Variants in MEGF10 observed in about 807,000 individuals in gnomAD.
MEGF10 encodes multiple EGF like domains 10.
Under a neutral mutation model 147.5 loss-of-function variants are expected in MEGF10, and 86 were observed. The ratio of observed to expected loss-of-function variants is 0.58; its 90% CI spans 0.49 to 0.70. The LOEUF is 0.70. Ranked by LOEUF, MEGF10 falls within the 30% of genes least tolerant of loss-of-function variation. The pLI is 0.00. For missense variants in MEGF10, 1,329 were observed against 1,487.3 expected (o/e 0.89, Z 1.75); for synonymous variants, 478 against 525.5 (o/e 0.91, Z 1.24).
intron 13 of MEGF10, among the ~76,000 whole-genome samples, chr5:127,427,244 C>G (rs1234886395): frequency 6.6e-6 from 1 of 152,108 alleles, no homozygotes; most frequent in African/African-American, 2.4e-5. Context: ...TCATATTACT[C>G]TAGTTATTGA....
At chr5:127,385,908 C>G (rs1388305689) in intron 5 of MEGF10, among the ~76,000 whole-genome samples, 4 of 152,170 alleles carry the variant, frequency 2.6e-5, no homozygotes, top group African/African-American at 4.8e-5. Context: ...AGTTCAAGAC[C>G]AGCCTGGGCA....
Position 127,318,189 on chromosome 5 carries a change from C to T in MEGF10, c.-18-13102C>T, listed in dbSNP as rs558263899. Reference sequence around the variant, plus strand: ...ACCATCTATGAATCAGGAAGCAGCCCCTCCCCAGACACTGAATCTGCCAGC... The same window carrying T: ...ACCATCTATGAATCAGGAAGCAGCCTCTCCCCAGACACTGAATCTGCCAGC... On this transcript the variant is annotated intron_variant, in intron 1 of 24. Transcript: ENST00000503335. 4.6e-5 allele frequency among the ~76,000 whole-genome samples: 7 copies of T among 152,192 alleles called. No homozygotes were observed. In the South Asian group the frequency reaches 8.3e-4, roughly 18 times the overall value.
chr5:127,229,925 A>C, the MEGF10 span: 1 of 152,154 alleles, frequency 6.6e-6, no homozygotes, highest in African/African-American at 2.4e-5. Flanking sequence ...CACTTGGAGA[A>C]TTCTGTTTTT....
intron 5 of MEGF10, among the ~76,000 whole-genome samples, chr5:127,373,945 C>G (rs1399683593): frequency 6.6e-6 from 1 of 152,122 alleles, no homozygotes; most frequent in Non-Finnish European, 1.5e-5. Flanking sequence ...TGGAAATATG[C>G]CCTCTAGGAC....
At chr5:127,237,500 T>TA in the MEGF10 span, among the ~76,000 whole-genome samples, 82 of 151,238 alleles carry the variant, frequency 5.4e-4, no homozygotes, top group Non-Finnish European at 8.1e-4. Flanking sequence ...TCCAAAAAAA[T>TA]AAAAAAAAGT....
At chr5:127,261,068 T>C in the MEGF10 span, among the ~76,000 whole-genome samples, 1 of 152,218 alleles carries the variant, frequency 6.6e-6, no homozygotes, top group African/African-American at 2.4e-5. Flanking sequence ...TTCCTTTTCA[T>C]TTTTTAATAA....
rs1045786489 is a variant in MEGF10, at chr5:127,460,012, G to A, written c.*2694G>A. The A allele has an allele frequency of 2.6e-5, 4 of 152,110 alleles. No homozygotes were observed. Among genetic ancestry groups the A allele is most frequent in the Non-Finnish European group, 4.4e-5 (3 of 68,004 alleles). 9.4% of individuals were successfully genotyped at this position (152,110 alleles called of 1,614,324 possible). ...CTTTAGGAACTTTTCCAGATGTATC[G>A]AATTTAATTTGACATTGATGTCACT... On this transcript the variant is annotated 3_prime_UTR_variant, in exon 25 of 25. Coordinates refer to ENST00000503335, the MANE Select transcript of MEGF10 (RefSeq NM_001256545.2).
At chr5:127,389,374 G>T (rs908140297) in intron 5 of MEGF10, among the ~76,000 whole-genome samples, 1 of 152,154 alleles carries the variant, frequency 6.6e-6, no homozygotes, top group Admixed American at 6.5e-5. Context: ...ATTCCTCAAA[G>T]AGCTGAAAGC....
the MEGF10 span, among the ~76,000 whole-genome samples, chr5:127,247,389 G>C: frequency 2.1e-3 from 63 of 29,648 alleles, 1 homozygote; most frequent in Non-Finnish European, 2.6e-3. Context: ...AGAAGAAGAA[G>C]AAGAAGAAGA....
chr5:127,233,335 G>A, the MEGF10 span, among the ~76,000 whole-genome samples: 2 of 152,162 alleles, frequency 1.3e-5, no homozygotes, highest in Admixed American at 6.5e-5. Flanking sequence ...CAGTAGGGCA[G>A]TCTCCTTCTC....
At chr5:127,446,042 G>A (rs1765932072) in intron 20 of MEGF10, among the ~76,000 whole-genome samples, 1 of 152,132 alleles carries the variant, frequency 6.6e-6, no homozygotes, top group South Asian at 2.1e-4. Flanking sequence ...CAAGGTCATG[G>A]ATCAGATTAG....
chr5:127,298,703 AG>A (rs1561555227), intron 1 of MEGF10, among the ~76,000 whole-genome samples: 1 of 152,096 alleles, frequency 6.6e-6, no homozygotes, highest in African/African-American at 2.4e-5. Flanking sequence ...ACTTGGCCAG[AG>A]GGGGTCACAG....
intron 1 of MEGF10, among the ~76,000 whole-genome samples, chr5:127,309,947 C>CTCTTTCTTTCTTTCTTTCTTTCCT (rs1760191791): frequency 1.1e-5 from 1 of 90,396 alleles, no homozygotes. Flanking sequence ...TCCTTGCCAA[C>CTCTTTCTTTCTTTCTTTCTTTCCT]TCTTTCTTTC....
At chr5:127,455,289 C>T in intron 23 of MEGF10, 112 bp from the exon 24 acceptor site, 1 of 878,382 alleles carries the variant, frequency 1.1e-6, no homozygotes, top group Non-Finnish European at 1.8e-6. Flanking sequence ...GTATTATTTT[C>T]AGTGTGTAGA....
the MEGF10 span, among the ~76,000 whole-genome samples, chr5:127,246,797 T>A: frequency 3.9e-5 from 2 of 51,542 alleles, no homozygotes; most frequent in Non-Finnish European, 9.9e-5. Context: ...ATTTATAATA[T>A]TTATAAATAT....
the MEGF10 span, among the ~76,000 whole-genome samples, chr5:127,281,433 C>T: frequency 6.6e-6 from 1 of 152,192 alleles, no homozygotes; most frequent in East Asian, 1.9e-4. Flanking sequence ...TGTGGCATTT[C>T]AGACACTTTC....
intron 13 of MEGF10, among the ~76,000 whole-genome samples, chr5:127,425,737 C>G (rs1187640607): frequency 6.6e-6 from 1 of 152,076 alleles, no homozygotes; most frequent in Non-Finnish European, 1.5e-5. Context: ...GGTTAGTACC[C>G]TGTTAGGACC....
the MEGF10 span, among the ~76,000 whole-genome samples, chr5:127,234,423 A>G: frequency 2.0e-5 from 3 of 152,226 alleles, no homozygotes; most frequent in African/African-American, 7.2e-5. Context: ...TAAAGAAGAA[A>G]TGGATATTGA....
intron 22 of MEGF10, among the ~76,000 whole-genome samples, chr5:127,452,229 T>A (rs2127038765): frequency 6.6e-6 from 1 of 152,320 alleles, no homozygotes; most frequent in Non-Finnish European, 1.5e-5. Flanking sequence ...TACTATCTGC[T>A]CCATGCTGGT....
Sources: gnomAD v4.1 joint callset for allele counts (sites outside exome capture counted in the v4.1 genomes callset) on GRCh38, gnomAD v4.1.1 for gene constraint, MANE v1.5 for transcripts, NCBI Gene and HGNC (gene_info 2026-07-23, HGNC 2026-07-21) for gene names.